Variants in SIPA1L1 observed in about 807,000 individuals in gnomAD.
SIPA1L1 encodes the protein signal-induced proliferation-associated 1-like protein 1.
SIPA1L1 carries 26 observed loss-of-function variants against 162.7 expected under a neutral mutation model. That is an observed-to-expected ratio of 0.16 (90% confidence interval 0.12 to 0.22). The LOEUF is 0.22. Ranked by LOEUF, SIPA1L1 falls within the 10% of genes least tolerant of loss-of-function variation. The probability of loss-of-function intolerance (pLI) is 1.00; values close to 1 mark genes in which losing one functional copy is unlikely to be tolerated. For synonymous variants in SIPA1L1, 829 were observed against 837.4 expected (o/e 0.99, Z 0.17); for missense variants, 1,874 against 2,241.0 (o/e 0.84, Z 3.31).
rs745583708 is a variant in SIPA1L1 at position 71,365,730 on chromosome 14, A to AT, written c.-465+44564dup. ...TTTTTATCAGGCAAGGCTATTAAGT[A>AT]TTTTTTTTTTTTTTTAGCAGGGTCT... On this transcript the variant is annotated intron_variant, in intron 2 of 23. Transcript: ENST00000381232. 7.4e-3 allele frequency among the ~76,000 whole-genome samples: 1,040 copies of AT among 140,474 alleles called. 13 individuals carry two copies. Among genetic ancestry groups the AT allele is most frequent in the African/African-American group, 0.02 (775 of 38,376 alleles). 92.2% of individuals were successfully genotyped at this position (140,474 alleles called of 152,430 possible).
At chr14:71,449,382 G>A (rs187394349) in intron 2 of SIPA1L1, among the ~76,000 whole-genome samples, 1 of 152,256 alleles carries the variant, frequency 6.6e-6, no homozygotes, top group East Asian at 1.9e-4. Context: ...AGTTGTCTGG[G>A]GAAGAGTAAT....
At chr14:71,387,291 A>G (rs2040412661) in intron 2 of SIPA1L1, among the ~76,000 whole-genome samples, 1 of 150,502 alleles carries the variant, frequency 6.6e-6, no homozygotes, top group Non-Finnish European at 1.5e-5. Context: ...GACTGAGTAA[A>G]TATTGTTAAT....
At chr14:71,539,396 T>G (rs1178791884) in intron 4 of SIPA1L1, among the ~76,000 whole-genome samples, 1 of 152,230 alleles carries the variant, frequency 6.6e-6, no homozygotes, top group East Asian at 1.9e-4. Flanking sequence ...TAGCTACTTC[T>G]CGATTAGGCC....
intron 16 of SIPA1L1, 112 bp downstream of exon 16, chr14:71,705,452 G>T: frequency 1.2e-6 from 1 of 824,394 alleles, no homozygotes; most frequent in South Asian, 1.6e-5. Context: ...AATCATTCTG[G>T]CAAAGAGTGG....
intron 2 of SIPA1L1, among the ~76,000 whole-genome samples, chr14:71,449,633 C>T (rs879519095): frequency 1.1e-4 from 16 of 152,088 alleles, no homozygotes; most frequent in Admixed American, 7.2e-4. Context: ...ATCTTAGGAA[C>T]GAAGAACGAT....
rs34146532 is a variant in SIPA1L1 at position 71,505,960 on chromosome 14, T to TCC, written c.-464-6774_-464-6773dup. 6.5e-3 allele frequency among the ~76,000 whole-genome samples: 902 copies of TCC among 137,776 alleles called. 7 individuals carry two copies. The highest frequency in any genetic ancestry group is 0.043 in the Middle Eastern group (11 of 256). The allele number at this position is 137,776 out of a possible 152,430, so 90.4% of individuals were successfully genotyped here. A position where few individuals can be genotyped will look rare whatever the true frequency, so the allele number is the denominator to read the frequency against. On this transcript the variant is annotated intron_variant, in intron 2 of 23. Transcript: ENST00000381232. ...TATCTCATTATGGATATGCAAATATTCCCCCCCCCCAAAAAAAAAATCCCC... is the reference window on the plus strand; with the variant it reads ...TATCTCATTATGGATATGCAAATATTCCCCCCCCCCCCAAAAAAAAAATCCCC...
intron 13 of SIPA1L1, among the ~76,000 whole-genome samples, chr14:71,694,895 T>C (rs1449744670): frequency 6.6e-6 from 1 of 152,162 alleles, no homozygotes; most frequent in Non-Finnish European, 1.5e-5. Context: ...AGAGTACGCT[T>C]GTAAGGTGGG....
chr14:71,422,117 G>T (rs1014374773), intron 2 of SIPA1L1, among the ~76,000 whole-genome samples: 1 of 152,078 alleles, frequency 6.6e-6, no homozygotes, highest in Non-Finnish European at 1.5e-5. Context: ...CAAACTTTTA[G>T]CCTGGGAAAG....
In SIPA1L1 at chr14:71,538,275, CT is replaced by C. The variant is rs997074271; in HGVS notation, c.-303+8915del. Reference sequence around the variant, plus strand: ...GCGAGGTGATTTCTAACTATTCTTACTTTTTTTTTTCTTCAGTCTTCCATAA... The same window carrying C: ...GCGAGGTGATTTCTAACTATTCTTACTTTTTTTTTCTTCAGTCTTCCATAA... On this transcript the variant is annotated intron_variant, in intron 4 of 23. Coordinates refer to ENST00000381232, the MANE Select transcript of SIPA1L1 (RefSeq NM_001386936.1). 1.1e-4 allele frequency among the ~76,000 whole-genome samples: 16 copies of C among 150,218 alleles called. 1 individual carries two copies. The South Asian group carries it at 1.7e-3, about 16-fold the overall frequency.
rs150312445 is a variant in SIPA1L1 at position 71,618,795 on chromosome 14, C to T, written c.1537C>T (p.Pro513Ser). The change falls in exon 6 of 24, where the codon CCA becomes TCA. Residue 513 changes from proline to serine, a missense_variant. This residue lies in a region of SIPA1L1 where 685 missense variants were observed against 828.0 expected (regional missense o/e 0.83). Coordinates refer to ENST00000381232, the MANE Select transcript of SIPA1L1 (RefSeq NM_001386936.1). ...TTTTGGGGCTGATGAGAATCTTGGTCCAGTGGCTGTGAGCATTCGAAGGGA... is the reference window on the plus strand; with the variant it reads ...TTTTGGGGCTGATGAGAATCTTGGTTCAGTGGCTGTGAGCATTCGAAGGGA... ...NYFGADENLG[P>S]VAVSIRREKP... 1.2e-6 allele frequency: 2 copies of T among 1,613,630 alleles called. No individual in the cohort carries two copies. Among genetic ancestry groups the T allele is most frequent in the Non-Finnish European group, 8.5e-7 (1 of 1,179,852 alleles).
intron 12 of SIPA1L1, among the ~76,000 whole-genome samples, chr14:71,681,533 T>C (rs2045807212): frequency 6.6e-6 from 1 of 152,234 alleles, no homozygotes; most frequent in Non-Finnish European, 1.5e-5. Flanking sequence ...TTTTTCTTCA[T>C]TTTAAAAATC....
intron 2 of SIPA1L1, among the ~76,000 whole-genome samples, chr14:71,403,668 A>G (rs2041840720): frequency 6.6e-6 from 1 of 151,316 alleles, no homozygotes; most frequent in Non-Finnish European, 1.5e-5. Flanking sequence ...TAAAATGGCT[A>G]TCCTTTTTAT....
At chr14:71,530,116 G>A (rs1374811830) in intron 4 of SIPA1L1, among the ~76,000 whole-genome samples, 4 of 152,164 alleles carry the variant, frequency 2.6e-5, no homozygotes, top group Non-Finnish European at 5.9e-5. Flanking sequence ...AGCCAAAACA[G>A]CCTAAGTGAT....
intron 2 of SIPA1L1, among the ~76,000 whole-genome samples, chr14:71,447,878 T>A (rs886566945): frequency 1.3e-5 from 2 of 152,106 alleles, no homozygotes; most frequent in African/African-American, 2.4e-5. Context: ...CTACTATTGA[T>A]TTTTTTGTTA....
Position 71,733,842 on chromosome 14 carries a change from C to T in SIPA1L1, c.5008+30C>T, listed in dbSNP as rs748310987. The T allele has an allele frequency of 2.5e-6, 4 of 1,604,942 alleles. No individual in the cohort carries two copies. In the African/African-American group the frequency reaches 4.0e-5, roughly 16 times the overall value. ...GTCCACTGAATCCACACAAGACAGC[C>T]CAGGATCCTGCAGCGGAGTGAGCAG... On this transcript the variant is annotated intron_variant, in intron 21 of 23. Coordinates refer to ENST00000381232, the MANE Select transcript of SIPA1L1 (RefSeq NM_001386936.1).
chr14:71,696,347 C>G (rs1223619255), intron 13 of SIPA1L1, among the ~76,000 whole-genome samples: 1 of 152,220 alleles, frequency 6.6e-6, no homozygotes, highest in African/African-American at 2.4e-5. Flanking sequence ...CAGGCATTGT[C>G]CTAAGTTCTC....
intron 4 of SIPA1L1, among the ~76,000 whole-genome samples, chr14:71,536,229 T>C (rs2053888675): frequency 6.6e-6 from 1 of 152,110 alleles, no homozygotes; most frequent in Non-Finnish European, 1.5e-5. Context: ...TTGTGCTGTT[T>C]TGATGGCTTC....
chr14:71,335,649 A>T (rs1471560560), intron 2 of SIPA1L1, among the ~76,000 whole-genome samples: 1 of 152,204 alleles, frequency 6.6e-6, no homozygotes, highest in Non-Finnish European at 1.5e-5. Context: ...TTCAGGAGAT[A>T]TCATGGGGGC....
intron 23 of SIPA1L1, 131 bp from the exon 24 acceptor site, chr14:71,738,887 A>G (rs1375165634): frequency 3.9e-6 from 4 of 1,030,384 alleles, no homozygotes; most frequent in Non-Finnish European, 5.6e-6. Flanking sequence ...CAGTCCGTTT[A>G]GACAGGTGTT....
Sources: allele counts gnomAD v4.1 joint callset (sites outside exome capture counted in the v4.1 genomes callset), GRCh38; gene constraint gnomAD v4.1.1; regional missense constraint gnomAD v4.1.1; transcripts MANE v1.5; gene names NCBI Gene and HGNC (gene_info 2026-07-23, HGNC 2026-07-21).